The following MBD3 variants were observed in gnomAD, a reference collection of about 807,000 sequenced individuals.
MBD3 encodes the protein methyl-CpG binding domain protein 3, also known as methyl-CpG-binding domain protein 3.
Under a neutral mutation model 31.2 loss-of-function variants are expected in MBD3, and 13 were observed. That is an observed-to-expected ratio of 0.42 (90% CI 0.27 to 0.66). The LOEUF is 0.66. MBD3 is among the 30% of genes least tolerant of loss of function. The pLI, the probability that MBD3 is intolerant of heterozygous loss-of-function variation, is 0.26. For synonymous variants in MBD3, 223 were observed against 187.4 expected (o/e 1.19, Z -1.55); for missense variants, 440 against 426.5 (o/e 1.03, Z -0.28).
In MBD3 at chr19:1,578,936, C is replaced by T. The variant is rs1258205922; in HGVS notation, c.678-398G>A. 6.6e-6 allele frequency among the ~76,000 whole-genome samples: 1 copy of T among 152,154 alleles called. No homozygotes were observed. Among genetic ancestry groups the T allele is most frequent in the Non-Finnish European group, 1.5e-5 (1 of 68,024 alleles). ...TAGAGGCTCATGCCTGTAATCCCAG[C>T]ACTTTGGGAGGCCGAGGTGGGCAGA... On this transcript the variant is annotated intron_variant, in intron 5 of 6. Transcript: ENST00000434436. The surrounding 1 kb of genome is among the most constrained non-coding windows in gnomAD (Gnocchi z 6.1).
chr19:1,591,671 G>A (rs1599350776), intron 1 of MBD3, among the ~76,000 whole-genome samples: 2 of 149,394 alleles, frequency 1.3e-5, no homozygotes, highest in South Asian at 4.2e-4. Context: ...AGCTGGCCCA[G>A]AATCAAAAGC....
rs748449560 is a variant in MBD3, at chr19:1,578,450, G to C, written c.766C>G (p.Arg256Gly). 28 of 1,607,870 alleles carry C rather than the reference G, an allele frequency of 1.7e-5. No homozygotes were observed. The highest frequency in any genetic ancestry group is 9.3e-5 in the African/African-American group (7 of 75,058). The change falls in exon 6 of 7, where the codon CGT (arginine) becomes GGT (glycine). Residue 256 changes from arginine (R) to glycine (G), a missense_variant. This residue lies in a region of MBD3 where 117 missense variants were observed against 95.0 expected (regional missense o/e 1.23). Coordinates refer to ENST00000434436, the MANE Select transcript of MBD3 (RefSeq NM_001281453.2). This position sits in a 1 kb window ranked among gnomAD's most constrained non-coding sequence, Gnocchi z 6.1. ...TTGTCCAGCGGCGCCTCCCCGTCAC[G>C]GGCCAGCTCCTCCACGTGCGCCAGC... ...DMLAHVEELA[R>G]DGEAPLDKAC... is the part of the protein sequence containing the mutation.
At position 1,585,330 on chromosome 19, in the gene MBD3, A is replaced by G. The variant is rs1380170734; in HGVS notation, c.111-116T>C. 1.7e-6 allele frequency: 2 copies of G among 1,178,862 alleles called. No individual in the cohort carries two copies. The highest frequency in any genetic ancestry group is 2.6e-5 in the East Asian group (1 of 37,954). 73.0% of individuals were successfully genotyped at this position (1,178,862 alleles called of 1,614,324 possible). ...AGCTTCAGGTCGCGACCCCAGCCCCAGACCCCAACACGGCCCTGACCCCAA... is the reference window on the plus strand; with the variant it reads ...AGCTTCAGGTCGCGACCCCAGCCCCGGACCCCAACACGGCCCTGACCCCAA... On this transcript the variant is annotated intron_variant, in intron 1 of 6. Coordinates refer to ENST00000434436, the MANE Select transcript of MBD3 (RefSeq NM_001281453.2). This position sits in a 1 kb window ranked among gnomAD's most constrained non-coding sequence, Gnocchi z 4.1.
At position 1,573,888 on chromosome 19, in the gene MBD3, G is replaced by A. The variant is rs911017460; in HGVS notation, c.*4276C>T. The A allele has an allele frequency of 1.1e-4, 17 of 152,166 alleles. No homozygotes were observed. Among genetic ancestry groups the A allele is most frequent in the African/African-American group, 3.9e-4 (16 of 41,434 alleles). 9.4% of individuals were successfully genotyped at this position (152,166 alleles called of 1,614,324 possible). On this transcript the variant is annotated 3_prime_UTR_variant, in exon 7 of 7. Transcript: ENST00000434436. ...GTGGTGGCGGGCGCCCGTAATCTCAGCTACTCAGCAGGCTGAGGCTGGAGA... is the reference window on the plus strand; with the variant it reads ...GTGGTGGCGGGCGCCCGTAATCTCAACTACTCAGCAGGCTGAGGCTGGAGA...
Position 1,577,855 on chromosome 19 carries a change from T to C in MBD3, c.*309A>G, listed in dbSNP as rs1399303180. 1.7e-5 allele frequency: 3 copies of C among 177,830 alleles called. No homozygotes were observed. Among genetic ancestry groups the C allele is most frequent in the Non-Finnish European group, 3.6e-5 (3 of 83,056 alleles). The allele number at this position is 177,830 out of a possible 1,614,324, so 11.0% of individuals were successfully genotyped here. ...TCTCAAGGAGCTGGGACAGCGGGCA[T>C]GGGGAGGAGCTGGCCTCGAGCCCAA... On this transcript the variant is annotated 3_prime_UTR_variant, in exon 7 of 7. Coordinates refer to ENST00000434436, the MANE Select transcript of MBD3 (RefSeq NM_001281453.2).
In MBD3 at chr19:1,577,901, G is replaced by C; in HGVS notation, c.*263C>G. ...CCCAAAGGTCGTAGGGAGCCAGGCAGGGCCCAGGAGCACCCGGCACTTCCC... is the reference window on the plus strand; with the variant it reads ...CCCAAAGGTCGTAGGGAGCCAGGCACGGCCCAGGAGCACCCGGCACTTCCC... On this transcript the variant is annotated 3_prime_UTR_variant, in exon 7 of 7. Coordinates refer to ENST00000434436, the MANE Select transcript of MBD3 (RefSeq NM_001281453.2). 1 of 223,656 alleles carries C rather than the reference G, an allele frequency of 4.5e-6. No homozygotes were observed. The highest frequency in any genetic ancestry group is 5.2e-5 in the Admixed American group (1 of 19,274). 13.9% of individuals were successfully genotyped at this position (223,656 alleles called of 1,614,324 possible).
chr19:1,583,217 A>G (rs1159602386), intron 3 of MBD3: 10 of 155,060 alleles, frequency 6.4e-5, no homozygotes, highest in Admixed American at 1.3e-4. Flanking sequence ...AAAAGAAAAA[A>G]AAAAAAAAAA....
In MBD3 at chr19:1,585,985, C is replaced by T. The variant is rs933411411; in HGVS notation, c.111-771G>A. On this transcript the variant is annotated intron_variant, in intron 1 of 6. Transcript: ENST00000434436. This position sits in a 1 kb window ranked among gnomAD's most constrained non-coding sequence, Gnocchi z 4.1. The stretch of plus-strand genomic sequence containing the variant: ...TCATCCTCTCCAGGACATAAGGACA[C>T]CCACCAATGGGTTGCCCTGTGTGTC... 1 of 152,348 alleles carries T rather than the reference C, an allele frequency of 6.6e-6. No individual in the cohort carries two copies. The highest frequency in any genetic ancestry group is 2.4e-5 in the African/African-American group (1 of 41,440). 9.4% of individuals were successfully genotyped at this position (152,348 alleles called of 1,614,324 possible). A position where few individuals can be genotyped will look rare whatever the true frequency, so the allele number is the denominator to read the frequency against.
At chr19:1,581,943 A>G (rs1033646964) in intron 4 of MBD3, among the ~76,000 whole-genome samples, 1 of 151,770 alleles carries the variant, frequency 6.6e-6, no homozygotes, top group Non-Finnish European at 1.5e-5. Context: ...AATTTTTTGT[A>G]TTTTTAGTAG....
At position 1,576,882 on chromosome 19, in the gene MBD3, C is replaced by CT. The variant is rs1173630674; in HGVS notation, c.*1281dup. On this transcript the variant is annotated 3_prime_UTR_variant, in exon 7 of 7. Transcript: ENST00000434436. ...CGTCCTGAGGATTTGTGCTTTGACT[C>CT]TGACAGGGAGCAGCAGGAAGCTGCC... 17 of 152,460 alleles carry CT rather than the reference C, an allele frequency of 1.1e-4. No homozygotes were observed. Among genetic ancestry groups the CT allele is most frequent in the African/African-American group, 3.6e-4 (15 of 41,600 alleles). 9.4% of individuals were successfully genotyped at this position (152,460 alleles called of 1,614,324 possible). A position where few individuals can be genotyped will look rare whatever the true frequency, so the allele number is the denominator to read the frequency against.
chr19:1,585,548 C>CGA lies in MBD3; in HGVS notation c.111-335_111-334insTC. On this transcript the variant is annotated intron_variant, in intron 1 of 6. Transcript: ENST00000434436. The surrounding 1 kb of genome is among the most constrained non-coding windows in gnomAD (Gnocchi z 4.1). The stretch of plus-strand genomic sequence containing the variant: ...GGATCCTTGCTCCAGACCCCCAACC[C>CGA]CGGTCCCCTCTGAATCCTCCCCACC... 2.7e-6 allele frequency: 1 copy of CGA among 371,194 alleles called. No individual in the cohort carries two copies. The highest frequency in any genetic ancestry group is 5.1e-6 in the Non-Finnish European group (1 of 196,248). 23.0% of individuals were successfully genotyped at this position (371,194 alleles called of 1,614,324 possible). A position where few individuals can be genotyped will look rare whatever the true frequency, so the allele number is the denominator to read the frequency against.
chr19:1,589,376 G>A (rs1336328565), intron 1 of MBD3, among the ~76,000 whole-genome samples: 1 of 146,928 alleles, frequency 6.8e-6, no homozygotes, highest in Non-Finnish European at 1.5e-5. Context: ...AAAGAAGGCA[G>A]GCGCAGTGGC....
Position 1,578,361 on chromosome 19 carries a change from G to A in MBD3, c.855C>T (p.Asp285=), listed in dbSNP as rs755812122. 1 of 1,603,834 alleles carries A rather than the reference G, an allele frequency of 6.2e-7. No homozygotes were observed. The highest frequency in any genetic ancestry group is 1.7e-5 in the Admixed American group (1 of 60,004). Residue 285 remains aspartate, a synonymous_variant, in exon 6 of 7, where the codon GAC becomes GAT. Coordinates refer to ENST00000434436, the MANE Select transcript of MBD3 (RefSeq NM_001281453.2). This position sits in a 1 kb window ranked among gnomAD's most constrained non-coding sequence, Gnocchi z 6.1. ...TGCCCTAGACGTGCTCCATCTCCGG[G>A]TCCGGGTCGGGCTCCTCCTCCTCCT... The part of the protein sequence containing the change: ...EEEEEEEPDP[D]PEMEHV
Position 1,578,291 on chromosome 19 carries a change from C to A in MBD3, c.*5+44G>T. The A allele has an allele frequency of 6.3e-7, 1 of 1,598,804 alleles. No homozygotes were observed. The highest frequency in any genetic ancestry group is 1.1e-5 in the South Asian group (1 of 90,960). On this transcript the variant is annotated intron_variant, in intron 6 of 6. Transcript: ENST00000434436. The surrounding 1 kb of genome is among the most constrained non-coding windows in gnomAD (Gnocchi z 6.1). ...ATCTGTGTTCACCAGGCAGTCCCCACTGCCAGGACCCGACTCCAGGGAGCC... is the reference window on the plus strand; with the variant it reads ...ATCTGTGTTCACCAGGCAGTCCCCAATGCCAGGACCCGACTCCAGGGAGCC...
Position 1,573,902 on chromosome 19 carries a change from T to C in MBD3, c.*4262A>G, listed in dbSNP as rs1227918892. The stretch of plus-strand genomic sequence containing the variant: ...CCGTAATCTCAGCTACTCAGCAGGC[T>C]GAGGCTGGAGAATCTATTGAACCCG... On this transcript the variant is annotated 3_prime_UTR_variant, in exon 7 of 7. Transcript: ENST00000434436. 2 of 152,052 alleles carry C rather than the reference T, an allele frequency of 1.3e-5. No homozygotes were observed. The highest frequency in any genetic ancestry group is 2.9e-5 in the Non-Finnish European group (2 of 68,028). 9.4% of individuals were successfully genotyped at this position (152,052 alleles called of 1,614,324 possible).
At position 1,581,087 on chromosome 19, in the gene MBD3, G is replaced by T. The variant is rs1917341940; in HGVS notation, c.677+5C>A. 1 of 1,614,110 alleles carries T rather than the reference G, an allele frequency of 6.2e-7. No homozygotes were observed. Among genetic ancestry groups the T allele is most frequent in the Non-Finnish European group, 8.5e-7 (1 of 1,180,006 alleles). ...GAGCAGCAGGGGACCAGGCCAAGGG[G>T]CTACCTGATGTCCTCGTCGGTCACC... On this transcript the variant is annotated splice_donor_5th_base_variant and intron_variant, in intron 5 of 6. Transcript: ENST00000434436.
At position 1,585,359 on chromosome 19, in the gene MBD3, C is replaced by A; in HGVS notation, c.111-145G>T. 2.3e-6 allele frequency: 2 copies of A among 875,958 alleles called. No individual in the cohort carries two copies. Among genetic ancestry groups the A allele is most frequent in the Non-Finnish European group, 3.5e-6 (2 of 579,412 alleles). 54.3% of individuals were successfully genotyped at this position (875,958 alleles called of 1,614,324 possible). On this transcript the variant is annotated intron_variant, in intron 1 of 6. Transcript: ENST00000434436. This position sits in a 1 kb window ranked among gnomAD's most constrained non-coding sequence, Gnocchi z 4.1. ...CCCAACACGGCCCTGACCCCAAACC[C>A]AGGCAGGCCCTGGCCCCAGCCCCAG...
chr19:1,576,113 GAC>G lies in MBD3; in HGVS notation c.*2049_*2050del, dbSNP rs2145586406. 6.6e-6 allele frequency: 1 copy of G among 152,650 alleles called. No individual in the cohort carries two copies. The highest frequency in any genetic ancestry group is 6.5e-5 in the Admixed American group (1 of 15,288). The allele number at this position is 152,650 out of a possible 1,614,324, so 9.5% of individuals were successfully genotyped here. A position where few individuals can be genotyped will look rare whatever the true frequency, so the allele number is the denominator to read the frequency against. ...AGAGGGAGAGATAGAGACAGGGATA[GAC>G]AGAGACAGAGAGAGACCAAGGGAGA... On this transcript the variant is annotated 3_prime_UTR_variant, in exon 7 of 7. Coordinates refer to ENST00000434436, the MANE Select transcript of MBD3 (RefSeq NM_001281453.2).
At position 1,578,131 on chromosome 19, in the gene MBD3, C is replaced by T; in HGVS notation, c.*33G>A. ...GGACCGCGTCTGCAGGCGGCTCCAGCAGGCAGCACGGGCTCTCGGCAGGGC... is the reference window on the plus strand; with the variant it reads ...GGACCGCGTCTGCAGGCGGCTCCAGTAGGCAGCACGGGCTCTCGGCAGGGC... On this transcript the variant is annotated 3_prime_UTR_variant, in exon 7 of 7. Transcript: ENST00000434436. This position sits in a 1 kb window ranked among gnomAD's most constrained non-coding sequence, Gnocchi z 6.1. 1 of 773,694 alleles carries T rather than the reference C, an allele frequency of 1.3e-6. No individual in the cohort carries two copies. The highest frequency in any genetic ancestry group is 2.0e-6 in the Non-Finnish European group (1 of 492,492). The allele number at this position is 773,694 out of a possible 1,614,324, so 47.9% of individuals were successfully genotyped here. A position where few individuals can be genotyped will look rare whatever the true frequency, so the allele number is the denominator to read the frequency against.
Sources: allele counts gnomAD v4.1 joint callset (sites outside exome capture counted in the v4.1 genomes callset), GRCh38; gene constraint gnomAD v4.1.1; regional missense constraint gnomAD v4.1.1; non-coding constraint Gnocchi (gnomAD v3.1); transcripts MANE v1.5; gene names NCBI Gene and HGNC (gene_info 2026-07-23, HGNC 2026-07-21).